Variants in CTNNA3 observed in about 807,000 individuals in gnomAD.
CTNNA3 encodes the protein catenin alpha-3.
A neutral mutation model predicts 95.7 loss-of-function variants in CTNNA3; 76 were observed. The observed-to-expected ratio is 0.79, with a 90% confidence interval of 0.66 to 0.96. CTNNA3 has a LOEUF of 0.96. Ranked by LOEUF, CTNNA3 falls within the 40% of genes least tolerant of loss-of-function variation. The probability of loss-of-function intolerance (pLI) is 0.00; values close to 1 mark genes in which losing one functional copy is unlikely to be tolerated. For synonymous variants in CTNNA3, 431 were observed against 374.4 expected (o/e 1.15, Z -1.74); for missense variants, 1,191 against 1,089.8 (o/e 1.09, Z -1.31).
At chr10:67,593,940 C>G (rs371579916) in intron 3 of CTNNA3, among the ~76,000 whole-genome samples, 1 of 152,200 alleles carries the variant, frequency 6.6e-6, no homozygotes, top group South Asian at 2.1e-4. Context: ...CCTTTGATGC[C>G]TAGTTTGTTG....
At chr10:66,117,452 C>T (rs1215210764) in intron 13 of CTNNA3, among the ~76,000 whole-genome samples, 1 of 152,092 alleles carries the variant, frequency 6.6e-6, no homozygotes, top group East Asian at 1.9e-4. Context: ...AATATACACA[C>T]TTATTTTCTA....
chr10:66,355,914 C>G (rs1341351700), intron 12 of CTNNA3, among the ~76,000 whole-genome samples: 1 of 151,840 alleles, frequency 6.6e-6, no homozygotes, highest in East Asian at 1.9e-4. Context: ...CTAAATTGTT[C>G]CAGCACCACT....
At chr10:67,640,901 C>T (rs1161256088) in intron 2 of CTNNA3, among the ~76,000 whole-genome samples, 2 of 152,008 alleles carry the variant, frequency 1.3e-5, no homozygotes, top group Non-Finnish European at 2.9e-5. Flanking sequence ...CCATAAAAAC[C>T]CTAGAAGAAA....
chr10:66,769,506 T>A (rs1358914936), intron 8 of CTNNA3, among the ~76,000 whole-genome samples: 1 of 152,244 alleles, frequency 6.6e-6, no homozygotes, highest in East Asian at 1.9e-4. Context: ...TTATATCTCA[T>A]CCTCTGGATC....
chr10:66,266,848 T>C (rs1334605921), intron 13 of CTNNA3, among the ~76,000 whole-genome samples: 1 of 152,070 alleles, frequency 6.6e-6, no homozygotes, highest in East Asian at 1.9e-4. Context: ...GAAGTCACTT[T>C]TAAAGAGATT....
intron 2 of CTNNA3, among the ~76,000 whole-genome samples, chr10:67,623,067 G>A (rs749230636): frequency 3.9e-5 from 6 of 152,132 alleles, no homozygotes; most frequent in Non-Finnish European, 8.8e-5. Context: ...TTCCTTGGAA[G>A]CTTCAAGATT....
At chr10:66,534,272 T>C (rs1359574147) in intron 10 of CTNNA3, among the ~76,000 whole-genome samples, 2 of 152,106 alleles carry the variant, frequency 1.3e-5, no homozygotes, top group Non-Finnish European at 2.9e-5. Context: ...GGAAAGGCCA[T>C]TTAGAAATAC....
intron 9 of CTNNA3, among the ~76,000 whole-genome samples, chr10:66,670,601 T>A (rs1281288692): frequency 1.3e-5 from 2 of 152,196 alleles, no homozygotes; most frequent in Non-Finnish European, 2.9e-5. Flanking sequence ...ATTTTTCTGT[T>A]CTCCGATTCT....
chr10:67,274,142 T>C (rs1254255400), intron 5 of CTNNA3, among the ~76,000 whole-genome samples: 1 of 151,926 alleles, frequency 6.6e-6, no homozygotes, highest in Non-Finnish European at 1.5e-5. Context: ...GTAAAATAAT[T>C]AAACTGAACA....
intron 7 of CTNNA3, among the ~76,000 whole-genome samples, chr10:67,080,186 CG>C (rs1856978389): frequency 6.6e-6 from 1 of 152,136 alleles, no homozygotes; most frequent in Non-Finnish European, 1.5e-5. Flanking sequence ...ATTCCTTTTA[CG>C]TGAGCTACTG....
At chr10:66,314,315 C>CA (rs2092068305) in intron 12 of CTNNA3, among the ~76,000 whole-genome samples, 1 of 152,056 alleles carries the variant, frequency 6.6e-6, no homozygotes, top group South Asian at 2.1e-4. Flanking sequence ...CCAAGGTTGC[C>CA]AAATGTATCT....
rs73256469 is a variant in CTNNA3 at position 67,073,015 on chromosome 10, C to T, written c.1047+107302G>A. Among the ~76,000 whole-genome samples, 1,124 of 152,288 alleles carry T rather than the reference C, an allele frequency of 7.4e-3. 6 individuals carry two copies. The highest frequency in any genetic ancestry group is 0.026 in the African/African-American group (1,088 of 41,546). ...ATCACTAAAAGTTTTGCTAACTTTTCTTACTCCCCAAAGACACCTTCCGCC... is the reference window on the plus strand; with the variant it reads ...ATCACTAAAAGTTTTGCTAACTTTTTTTACTCCCCAAAGACACCTTCCGCC... On this transcript the variant is annotated intron_variant, in intron 7 of 17. Coordinates refer to ENST00000433211, the MANE Select transcript of CTNNA3 (RefSeq NM_013266.4).
intron 11 of CTNNA3, among the ~76,000 whole-genome samples, chr10:66,380,812 T>C (rs1272759306): frequency 2.6e-5 from 4 of 151,934 alleles, no homozygotes; most frequent in Non-Finnish European, 5.9e-5. Context: ...AGATATTAAG[T>C]GGGGATTCAT....
At chr10:66,610,748 C>T (rs963612439) in intron 10 of CTNNA3, among the ~76,000 whole-genome samples, 1 of 151,998 alleles carries the variant, frequency 6.6e-6, no homozygotes, top group Non-Finnish European at 1.5e-5. Flanking sequence ...AGTAGAAGTA[C>T]CATATGATCC....
intron 7 of CTNNA3, among the ~76,000 whole-genome samples, chr10:67,070,929 A>T (rs1259007828): frequency 5.3e-5 from 8 of 152,090 alleles, no homozygotes; most frequent in South Asian, 4.1e-4. Flanking sequence ...CATGCTAACT[A>T]CACTTTCTTT....
chr10:66,736,341 A>G (rs1589190895), intron 9 of CTNNA3, among the ~76,000 whole-genome samples: 2 of 149,714 alleles, frequency 1.3e-5, no homozygotes, highest in African/African-American at 4.9e-5. Context: ...GCACGCCGCC[A>G]CACCCGGCTA....
At chr10:65,984,799 T>C (rs1018461870) in intron 16 of CTNNA3, among the ~76,000 whole-genome samples, 2 of 151,270 alleles carry the variant, frequency 1.3e-5, no homozygotes, top group Non-Finnish European at 3.0e-5. Context: ...TATTAATACA[T>C]GTAAATATGT....
In CTNNA3 at chr10:66,080,827, A is replaced by T. The variant is rs146017226; in HGVS notation, c.1978-11338T>A. 3.1e-3 allele frequency among the ~76,000 whole-genome samples: 465 copies of T among 152,288 alleles called. 4 individuals carry two copies. The highest frequency in any genetic ancestry group is 0.02 in the East Asian group (101 of 5,156). Reference sequence around the variant, plus strand: ...AGACCATCTGTGTTTGCTAAATGGTACTTACTGAATAGGCTTCTACCCTCC... The same window carrying T: ...AGACCATCTGTGTTTGCTAAATGGTTCTTACTGAATAGGCTTCTACCCTCC... On this transcript the variant is annotated intron_variant, in intron 14 of 17. Coordinates refer to ENST00000433211, the MANE Select transcript of CTNNA3 (RefSeq NM_013266.4).
At chr10:67,611,713 C>A (rs566402983) in intron 2 of CTNNA3, among the ~76,000 whole-genome samples, 105 of 152,216 alleles carry the variant, frequency 6.9e-4, no homozygotes, top group African/African-American at 2.4e-3. Context: ...ATTCTACCCT[C>A]ATTGTAGTAT....
Sources: allele counts gnomAD v4.1 joint callset (sites outside exome capture counted in the v4.1 genomes callset), GRCh38; gene constraint gnomAD v4.1.1; transcripts MANE v1.5; gene names NCBI Gene and HGNC (gene_info 2026-07-23, HGNC 2026-07-21).